Variants in LYRM9 observed in about 807,000 individuals in gnomAD.
LYRM9 encodes the protein LYR motif-containing protein 9.
In LYRM9, 14 loss-of-function variants were observed where a neutral mutation model predicts 12.6. The observed-to-expected ratio is 1.11, with a 90% confidence interval of 0.73 to 1.73. The LOEUF is 1.73. Ranked by LOEUF, LYRM9 falls within the 40% of genes most tolerant of loss-of-function variation. LYRM9 has a pLI of 0.00. For missense variants in LYRM9, 94 were observed against 95.0 expected (o/e 0.99, Z 0.04); for synonymous variants, 42 against 35.1 (o/e 1.20, Z -0.69).
At chr17:27,881,639 AG>A (rs1905062139) in intron 2 of LYRM9, among the ~76,000 whole-genome samples, 1 of 152,192 alleles carries the variant, frequency 6.6e-6, no homozygotes, top group Non-Finnish European at 1.5e-5. Flanking sequence ...GAAGCATTTA[AG>A]AGTAAGTTGC....
chr17:27,888,508 T>C (rs1386720774), intron 1 of LYRM9, among the ~76,000 whole-genome samples: 2 of 152,204 alleles, frequency 1.3e-5, no homozygotes, highest in Non-Finnish European at 2.9e-5. Flanking sequence ...AAGACCGATG[T>C]GGTTATGTGG....
chr17:27,884,225 A>G (rs891440266), intron 1 of LYRM9, among the ~76,000 whole-genome samples: 7 of 152,204 alleles, frequency 4.6e-5, no homozygotes, highest in Non-Finnish European at 8.8e-5. Flanking sequence ...ATGAGAGTAT[A>G]GATTGTTTTA....
At chr17:27,883,478 C>A (rs1168208873) in intron 1 of LYRM9, among the ~76,000 whole-genome samples, 1 of 151,962 alleles carries the variant, frequency 6.6e-6, no homozygotes, top group Admixed American at 6.6e-5. Context: ...GGTGAAACCC[C>A]GTCTCTACTA....
At chr17:27,880,186 G>C (rs1567662156) in intron 3 of LYRM9, 88 bp downstream of exon 3, 1 of 1,021,048 alleles carries the variant, frequency 9.8e-7, no homozygotes, top group South Asian at 1.4e-5. Context: ...ATTCTCAACT[G>C]TGGGGCAGGA....
intron 2 of LYRM9, chr17:27,881,282 C>T (rs1424385646): frequency 6.5e-6 from 1 of 154,716 alleles, no homozygotes; most frequent in Non-Finnish European, 1.4e-5. Context: ...GCACCTCCCT[C>T]CCCTGTCACT....
chr17:27,881,409 C>T lies in LYRM9; in HGVS notation c.127-1043G>A, dbSNP rs189457695. The stretch of plus-strand genomic sequence containing the variant: ...TAACTGCTCGTTCTCCATGTTTCCA[C>T]AGCCCTCTGTGGCTACCGCCACCTC... On this transcript the variant is annotated intron_variant, in intron 2 of 3. Transcript: ENST00000379102. 3.8e-3 allele frequency among the ~76,000 whole-genome samples: 583 copies of T among 151,780 alleles called. 8 individuals are homozygous for T. The highest frequency in any genetic ancestry group is 0.013 in the African/African-American group (555 of 41,458).
chr17:27,882,855 G>T (rs953818376), intron 1 of LYRM9, 143 bp from the exon 2 acceptor site: 80 of 898,966 alleles, frequency 8.9e-5, no homozygotes, highest in Non-Finnish European at 1.3e-4. Flanking sequence ...CTGCACCTTG[G>T]GGTGGGGTGG....
chr17:27,888,227 C>T (rs1171864682), intron 1 of LYRM9, among the ~76,000 whole-genome samples: 1 of 152,204 alleles, frequency 6.6e-6, no homozygotes, highest in Non-Finnish European at 1.5e-5. Context: ...CTCTTCCACA[C>T]TCAGCTCTGT....
intron 1 of LYRM9, among the ~76,000 whole-genome samples, chr17:27,884,211 A>G (rs1363102134): frequency 6.6e-6 from 1 of 152,224 alleles, no homozygotes; most frequent in Non-Finnish European, 1.5e-5. Context: ...TTTTTAAAGG[A>G]ACTATGAGAG....
intron 1 of LYRM9, among the ~76,000 whole-genome samples, chr17:27,883,828 C>A (rs1256542008): frequency 1.2e-5 from 1 of 84,228 alleles, no homozygotes; most frequent in African/African-American, 5.5e-5. Flanking sequence ...GCTCCAGAGC[C>A]TTTTTCTAAA....
chr17:27,880,842 C>A (rs1264606041), intron 2 of LYRM9: 2 of 163,800 alleles, frequency 1.2e-5, no homozygotes, highest in Admixed American at 6.0e-5. Context: ...ATAGAGTGGC[C>A]TCAGGAAATC....
chr17:27,890,375 C>A (rs868003679), intron 1 of LYRM9, among the ~76,000 whole-genome samples: 1 of 152,162 alleles, frequency 6.6e-6, no homozygotes, highest in African/African-American at 2.4e-5. Context: ...CTGCAGCTTC[C>A]CCCTGCATAT....
chr17:27,893,328 G>C lies in LYRM9; in HGVS notation c.-30C>G, dbSNP rs1037642544. ...GCAGCGCGGCTCACCAGCCTCCAGGGGAACGCCAGCCCCGGACGCCGCCGC... is the reference window on the plus strand; with the variant it reads ...GCAGCGCGGCTCACCAGCCTCCAGGCGAACGCCAGCCCCGGACGCCGCCGC... On this transcript the variant is annotated 5_prime_UTR_variant, in exon 1 of 4. Coordinates refer to ENST00000379102, the MANE Select transcript of LYRM9 (RefSeq NM_001076680.3). 1.3e-5 allele frequency: 2 copies of C among 152,368 alleles called. No homozygotes were observed. Among genetic ancestry groups the C allele is most frequent in the African/African-American group, 2.4e-5 (1 of 41,406 alleles). 9.4% of individuals were successfully genotyped at this position (152,368 alleles called of 1,614,324 possible).
chr17:27,879,871 T>C, intron 3 of LYRM9: 1 of 575,106 alleles, frequency 1.7e-6, no homozygotes. Context: ...ATACTGAATG[T>C]TTCCTCCATA....
intron 1 of LYRM9, among the ~76,000 whole-genome samples, chr17:27,890,714 G>A (rs1371523211): frequency 2.0e-5 from 3 of 152,182 alleles, no homozygotes; most frequent in African/African-American, 7.2e-5. Flanking sequence ...GAATGGAACT[G>A]CAGAAAATAA....
chr17:27,884,310 G>A (rs536335899), intron 1 of LYRM9, among the ~76,000 whole-genome samples: 2 of 152,296 alleles, frequency 1.3e-5, no homozygotes, highest in South Asian at 2.1e-4. Context: ...CACAGCATCT[G>A]CCTGGTGTCC....
Position 27,879,154 on chromosome 17 carries a change from G to T in LYRM9, c.*319C>A, listed in dbSNP as rs1904948957. On this transcript the variant is annotated 3_prime_UTR_variant, in exon 4 of 4. Coordinates refer to ENST00000379102, the MANE Select transcript of LYRM9 (RefSeq NM_001076680.3). Reference sequence around the variant, plus strand: ...GCTCTGGGACTCAGAGAATGATAAAGAGATCTCCAGAATAAATGAATCACT... The same window carrying T: ...GCTCTGGGACTCAGAGAATGATAAATAGATCTCCAGAATAAATGAATCACT... 1.0e-5 allele frequency: 3 copies of T among 287,606 alleles called. No homozygotes were observed. The East Asian group carries it at 2.5e-4, about 24-fold the overall frequency. 17.8% of individuals were successfully genotyped at this position (287,606 alleles called of 1,614,324 possible).
intron 1 of LYRM9, among the ~76,000 whole-genome samples, chr17:27,888,428 C>G (rs995701302): frequency 2.6e-5 from 4 of 152,208 alleles, no homozygotes; most frequent in Non-Finnish European, 5.9e-5. Flanking sequence ...CAGTGATTTA[C>G]CAACTTCCTG....
At chr17:27,883,855 A>G (rs1473938257) in intron 1 of LYRM9, among the ~76,000 whole-genome samples, 6 of 145,580 alleles carry the variant, frequency 4.1e-5, no homozygotes, top group Non-Finnish European at 7.5e-5. Flanking sequence ...AAAAAAAAAA[A>G]AAAAAAAAAA....
Sources: gnomAD v4.1 joint callset for allele counts (sites outside exome capture counted in the v4.1 genomes callset) on GRCh38, gnomAD v4.1.1 for gene constraint, MANE v1.5 for transcripts, NCBI Gene and HGNC (gene_info 2026-07-23, HGNC 2026-07-21) for gene names.